Variants in SNCAIP observed in about 807,000 individuals in gnomAD.
The protein encoded by SNCAIP is synuclein alpha interacting protein.
SNCAIP carries 43 observed loss-of-function variants against 86.7 expected under a neutral mutation model. That is an observed-to-expected ratio of 0.50 (90% CI 0.39 to 0.64). The LOEUF (loss-of-function observed/expected upper bound fraction) is 0.64, where lower values mean the gene tolerates loss of function less well. SNCAIP is among the 30% of genes least tolerant of loss of function. The pLI, the probability that SNCAIP is intolerant of heterozygous loss-of-function variation, is 0.00. For synonymous variants in SNCAIP, 417 were observed against 427.2 expected, an observed-to-expected ratio of 0.98 and a Z score of 0.29; for missense variants, 981 against 1,103.1, an observed-to-expected ratio of 0.89 and a Z score of 1.57.
intron 1 of SNCAIP, among the ~76,000 whole-genome samples, chr5:122,325,604 T>C (rs1753852933): frequency 6.6e-6 from 1 of 152,218 alleles, no homozygotes; most frequent in African/African-American, 2.4e-5. Context: ...GTATGCCATC[T>C]ATTTTCTTTG....
chr5:122,326,855 C>G (rs1015403390), intron 1 of SNCAIP, among the ~76,000 whole-genome samples: 1 of 151,778 alleles, frequency 6.6e-6, no homozygotes, highest in Admixed American at 6.6e-5. Flanking sequence ...TTAAGGCCAG[C>G]TCCAGGTGGA....
intron 2 of SNCAIP, among the ~76,000 whole-genome samples, chr5:122,395,003 C>T (rs1770287882): frequency 6.6e-6 from 1 of 152,194 alleles, no homozygotes; most frequent in Non-Finnish European, 1.5e-5. Flanking sequence ...CCTTACTCCT[C>T]CCCATCTATG....
chr5:122,367,906 A>G (rs771870943), intron 1 of SNCAIP, among the ~76,000 whole-genome samples: 5 of 152,178 alleles, frequency 3.3e-5, no homozygotes, highest in Admixed American at 6.6e-5. Flanking sequence ...ATATATAAAT[A>G]TAAGTGTATA....
intron 1 of SNCAIP, among the ~76,000 whole-genome samples, chr5:122,325,056 C>T (rs530327251): frequency 3.3e-4 from 51 of 152,282 alleles, no homozygotes; most frequent in African/African-American, 1.2e-3. Context: ...TATTGAACCC[C>T]TCAGTATTTT....
rs750561019 is a variant in SNCAIP, at chr5:122,385,046, C to T, written c.-46-6043C>T. 4.6e-5 allele frequency among the ~76,000 whole-genome samples: 7 copies of T among 152,226 alleles called. No individual in the cohort carries two copies. In the East Asian group the frequency reaches 5.8e-4, roughly 13 times the overall value. On this transcript the variant is annotated intron_variant, in intron 1 of 10. Coordinates refer to ENST00000261368, the MANE Select transcript of SNCAIP (RefSeq NM_005460.4). ...ACACTTCCTCCTGTCCCAACCACTC[C>T]CTTCCCATTCACACCTCCATCCTTC...
intron 3 of SNCAIP, among the ~76,000 whole-genome samples, chr5:122,412,836 A>T (rs1774427168): frequency 6.6e-6 from 1 of 152,224 alleles, no homozygotes; most frequent in East Asian, 1.9e-4. Flanking sequence ...TGACTGAAAC[A>T]TCTCATCAGG....
chr5:122,386,980 C>T (rs1768295952), intron 1 of SNCAIP, among the ~76,000 whole-genome samples: 1 of 152,044 alleles, frequency 6.6e-6, no homozygotes, highest in Non-Finnish European at 1.5e-5. Flanking sequence ...GAGGGGCTTA[C>T]ATGCAAAAGA....
chr5:122,321,922 C>G (rs1372987686), intron 1 of SNCAIP: 1 of 151,728 alleles, frequency 6.6e-6, no homozygotes, highest in Non-Finnish European at 1.5e-5. Flanking sequence ...TATAAGCAGT[C>G]TAGTATGTGA....
At chr5:122,456,366 A>T (rs149735876) in intron 10 of SNCAIP, among the ~76,000 whole-genome samples, 27 of 152,338 alleles carry the variant, frequency 1.8e-4, no homozygotes, top group Non-Finnish European at 2.9e-4. Context: ...GCCAGTAGTG[A>T]GATGACATCT....
intron 5 of SNCAIP, among the ~76,000 whole-genome samples, chr5:122,427,711 T>G (rs1777637498): frequency 6.6e-6 from 1 of 152,160 alleles, no homozygotes; most frequent in African/African-American, 2.4e-5. Context: ...TTCACCTCAT[T>G]AAACACAGTT....
chr5:122,324,826 A>T (rs572964549), intron 1 of SNCAIP, among the ~76,000 whole-genome samples: 1 of 152,362 alleles, frequency 6.6e-6, no homozygotes, highest in East Asian at 1.9e-4. Flanking sequence ...GACAATAATG[A>T]GATGGAAAAG....
chr5:122,437,699 G>A (rs534117516), intron 6 of SNCAIP, among the ~76,000 whole-genome samples: 2 of 152,340 alleles, frequency 1.3e-5, no homozygotes, highest in African/African-American at 4.8e-5. Context: ...TTGTAAGGAA[G>A]AAGAGTTATC....
intron 6 of SNCAIP, chr5:122,436,923 A>G (rs771482037): frequency 2.0e-5 from 3 of 152,232 alleles, no homozygotes; most frequent in East Asian, 1.9e-4. Flanking sequence ...GAGGAAAACT[A>G]TATAAGAGGA....
intron 1 of SNCAIP, among the ~76,000 whole-genome samples, chr5:122,368,223 G>C (rs548887371): frequency 1.3e-5 from 2 of 152,200 alleles, no homozygotes; most frequent in South Asian, 4.1e-4. Context: ...GGATACCCTA[G>C]TGTTCCAGGT....
chr5:122,429,891 T>C (rs560900336), intron 5 of SNCAIP, among the ~76,000 whole-genome samples: 7 of 152,042 alleles, frequency 4.6e-5, no homozygotes, highest in Non-Finnish European at 1.0e-4. Flanking sequence ...TGGCTTACTT[T>C]TGGGCTTTTT....
chr5:122,437,926 A>G (rs1194841690), intron 6 of SNCAIP, among the ~76,000 whole-genome samples: 2 of 152,166 alleles, frequency 1.3e-5, no homozygotes, highest in Non-Finnish European at 2.9e-5. Flanking sequence ...GCAGTATTCC[A>G]TTGCCTATAA....
At chr5:122,403,991 C>T in intron 3 of SNCAIP, 126 bp downstream of exon 3, 2 of 726,476 alleles carry the variant, frequency 2.8e-6, no homozygotes, top group Middle Eastern at 6.9e-4. Context: ...CTTCTCCACT[C>T]ACACCACCCC....
intron 1 of SNCAIP, among the ~76,000 whole-genome samples, chr5:122,343,332 T>C (rs1757964364): frequency 6.6e-6 from 1 of 152,226 alleles, no homozygotes. Flanking sequence ...CTGAAATCTT[T>C]TATTCAAGTA....
chr5:122,418,300 A>G (rs1775704773), intron 3 of SNCAIP, among the ~76,000 whole-genome samples: 1 of 152,246 alleles, frequency 6.6e-6, no homozygotes, highest in South Asian at 2.1e-4. Flanking sequence ...TCACAAACCT[A>G]GTAATTTAAG....
Sources: gnomAD v4.1 joint callset for allele counts (sites outside exome capture counted in the v4.1 genomes callset) on GRCh38, gnomAD v4.1.1 for gene constraint, MANE v1.5 for transcripts, NCBI Gene and HGNC (gene_info 2026-07-23, HGNC 2026-07-21) for gene names.